The following TLK1 variants were observed in gnomAD, a reference collection of about 807,000 sequenced individuals.
The protein encoded by TLK1 is tousled like kinase 1.
In TLK1, 24 loss-of-function variants were observed where a neutral mutation model predicts 105.3. The observed-to-expected ratio is 0.23, with a 90% CI of 0.17 to 0.32. The LOEUF (loss-of-function observed/expected upper bound fraction) is 0.32. Ranked by LOEUF, TLK1 falls within the 10% of genes least tolerant of loss-of-function variation. The pLI is 1.00. For missense variants in TLK1, 558 were observed against 910.5 expected, an observed-to-expected ratio of 0.61 and a Z score of 4.98; for synonymous variants, 321 against 310.4, an observed-to-expected ratio of 1.03 and a Z score of -0.36.
intron 3 of TLK1, among the ~76,000 whole-genome samples, chr2:171,074,974 C>A (rs933594095): frequency 4.6e-5 from 7 of 151,366 alleles, no homozygotes; most frequent in African/African-American, 1.7e-4. Context: ...AACAGTAAAT[C>A]GATTTTTAAA....
chr2:171,059,013 C>A (rs113696440), intron 4 of TLK1, among the ~76,000 whole-genome samples: 1 of 152,110 alleles, frequency 6.6e-6, no homozygotes, highest in Non-Finnish European at 1.5e-5. Flanking sequence ...CCAGGCATTA[C>A]TAAGATGAAA....
chr2:171,140,074 T>A (rs1691509524), intron 1 of TLK1, among the ~76,000 whole-genome samples: 1 of 152,120 alleles, frequency 6.6e-6, no homozygotes. Flanking sequence ...TAGCGACCAG[T>A]ACAGGTATGC....
chr2:171,216,192 A>G (rs1693709590), intron 1 of TLK1, among the ~76,000 whole-genome samples: 1 of 152,142 alleles, frequency 6.6e-6, no homozygotes. Flanking sequence ...TTAAAAAAAC[A>G]AGGGCCGGGT....
At chr2:171,187,839 T>C (rs534213710) in intron 1 of TLK1, among the ~76,000 whole-genome samples, 2 of 152,320 alleles carry the variant, frequency 1.3e-5, no homozygotes, top group East Asian at 3.9e-4. Context: ...TAAATATTTA[T>C]TGAATGAATG....
intron 3 of TLK1, among the ~76,000 whole-genome samples, chr2:171,073,244 T>C (rs1336888827): frequency 6.6e-6 from 1 of 152,204 alleles, no homozygotes; most frequent in African/African-American, 2.4e-5. Flanking sequence ...GGACTTCCCA[T>C]TCTATACTGA....
chr2:171,191,452 G>C (rs1693153091), intron 1 of TLK1, among the ~76,000 whole-genome samples: 1 of 152,112 alleles, frequency 6.6e-6, no homozygotes, highest in African/African-American at 2.4e-5. Flanking sequence ...GGTAGTGTGT[G>C]CCTACAGTCC....
intron 2 of TLK1, among the ~76,000 whole-genome samples, chr2:171,083,335 A>C (rs1688830013): frequency 6.6e-6 from 1 of 151,804 alleles, no homozygotes; most frequent in African/African-American, 2.4e-5. Flanking sequence ...ATTTGTTTTA[A>C]CTCTATCTCT....
intron 1 of TLK1, among the ~76,000 whole-genome samples, chr2:171,200,561 T>A (rs1693379586): frequency 6.6e-6 from 1 of 152,146 alleles, no homozygotes; most frequent in African/African-American, 2.4e-5. Context: ...GTCAAAATTA[T>A]TTGGAACCTG....
intron 4 of TLK1, 30 bp downstream of exon 4, chr2:171,061,051 A>G (rs1243394348): frequency 6.3e-7 from 1 of 1,592,388 alleles, no homozygotes; most frequent in Non-Finnish European, 8.6e-7. Flanking sequence ...AGTGTCCACT[A>G]GGCTCTGAAG....
Position 171,024,315 on chromosome 2 carries a change from G to A in TLK1, c.1236+4024C>T, listed in dbSNP as rs368762533. On this transcript the variant is annotated intron_variant, in intron 12 of 20. Coordinates refer to ENST00000431350, the MANE Select transcript of TLK1 (RefSeq NM_012290.5). ...TTGTTGACCTTTAAAAATAAATCGA[G>A]TGAAAATCAATATATTAGTTAATAA... Among the ~76,000 whole-genome samples the A allele has an allele frequency of 3.3e-5, 5 of 152,100 alleles. No individual in the cohort carries two copies. The South Asian group carries it at 1.0e-3, about 32-fold the overall frequency.
At chr2:170,999,024 G>C (rs1040699963) in intron 18 of TLK1, among the ~76,000 whole-genome samples, 4 of 152,074 alleles carry the variant, frequency 2.6e-5, no homozygotes, top group Non-Finnish European at 4.4e-5. Context: ...CCTTGGCCTC[G>C]CAAAGTGCTA....
At chr2:171,128,763 T>C (rs545541509) in intron 1 of TLK1, among the ~76,000 whole-genome samples, 12 of 152,212 alleles carry the variant, frequency 7.9e-5, no homozygotes, top group African/African-American at 2.6e-4. Flanking sequence ...TATATATATA[T>C]ACACATACAT....
At chr2:171,161,206 C>A (rs1229728147), upstream of TLK1, among the ~76,000 whole-genome samples, 2 of 150,060 alleles carry the variant, frequency 1.3e-5, no homozygotes, top group African/African-American at 2.4e-5. Context: ...GCGCCCCCGC[C>A]GCGCCGCTCG....
intron 1 of TLK1, among the ~76,000 whole-genome samples, chr2:171,146,918 C>G (rs1028050691): frequency 1.3e-5 from 2 of 152,172 alleles, no homozygotes; most frequent in African/African-American, 4.8e-5. Context: ...TCCTTAAGGC[C>G]TAACTGGGGT....
intron 12 of TLK1, among the ~76,000 whole-genome samples, chr2:171,018,135 G>A (rs1685296250): frequency 6.6e-6 from 1 of 152,294 alleles, no homozygotes; most frequent in South Asian, 2.1e-4. Flanking sequence ...AGGTTATGGA[G>A]CCTTCATGAT....
At chr2:171,105,805 T>G (rs1320952049) in intron 2 of TLK1, among the ~76,000 whole-genome samples, 1 of 151,610 alleles carries the variant, frequency 6.6e-6, no homozygotes, top group Non-Finnish European at 1.5e-5. Context: ...ATATGGAGGC[T>G]CCTTAAAAAA....
rs73017277 is a variant in TLK1, at chr2:171,185,646, C to T, written c.-6+45499G>A. Among the ~76,000 whole-genome samples the T allele has an allele frequency of 8.1e-3, 1,227 of 152,320 alleles. 12 individuals carry two copies. Among genetic ancestry groups the T allele is most frequent in the African/African-American group, 0.028 (1,164 of 41,566 alleles). The stretch of plus-strand genomic sequence containing the variant: ...ACTCAGATAAAGCACCAACTTCCTG[C>T]GGCAAACTGTCCATATTCTTTGCTG... On this transcript the variant is annotated intron_variant, in intron 1 of 20. Coordinates refer to the TLK1 transcript ENST00000521943.
intron 1 of TLK1, among the ~76,000 whole-genome samples, chr2:171,194,296 A>G (rs1025494886): frequency 1.3e-5 from 2 of 152,332 alleles, no homozygotes; most frequent in East Asian, 1.9e-4. Context: ...ACAGTCTTCA[A>G]TGGGGCCTGT....
chr2:171,216,183 T>TA (rs1429421424), intron 1 of TLK1, among the ~76,000 whole-genome samples: 1 of 151,970 alleles, frequency 6.6e-6, no homozygotes, highest in African/African-American at 2.4e-5. Flanking sequence ...TATGCTGCCT[T>TA]AAAAAAACAA....
Sources: gnomAD v4.1 joint callset for allele counts (sites outside exome capture counted in the v4.1 genomes callset) on GRCh38, gnomAD v4.1.1 for gene constraint, MANE v1.5 for transcripts, NCBI Gene and HGNC (gene_info 2026-07-23, HGNC 2026-07-21) for gene names.